CDH18: variants seen among roughly 807,000 people sequenced by gnomAD.
CDH18 encodes cadherin-18.
In CDH18, 31 loss-of-function variants were observed where a neutral mutation model predicts 67.9. The ratio of observed to expected loss-of-function variants is 0.46; its 90% CI spans 0.34 to 0.62. CDH18 has a LOEUF of 0.62. Among genes scored for constraint, CDH18 ranks in the 20% least tolerant of loss-of-function variants. The pLI is 0.01. For synonymous variants in CDH18, 362 were observed against 347.2 expected (o/e 1.04, Z -0.48); for missense variants, 890 against 975.5 (o/e 0.91, Z 1.17).
intron 3 of CDH18, among the ~76,000 whole-genome samples, chr5:19,751,968 T>C (rs1296962570): frequency 1.3e-5 from 2 of 152,026 alleles, no homozygotes; most frequent in Non-Finnish European, 2.9e-5. Flanking sequence ...AGGAAGCAGA[T>C]TGCTCCTGCA....
At chr5:19,812,800 A>G (rs1778884573) in intron 3 of CDH18, among the ~76,000 whole-genome samples, 2 of 152,130 alleles carry the variant, frequency 1.3e-5, no homozygotes, top group East Asian at 1.9e-4. Flanking sequence ...AGCATTCCCA[A>G]AGGATTATAA....
intron 7 of CDH18, 49 bp downstream of exon 7, chr5:19,591,008 G>T: frequency 8.1e-7 from 1 of 1,241,012 alleles, no homozygotes; most frequent in Non-Finnish European, 1.1e-6. Context: ...TTTCCATTCA[G>T]GAAAAGATGA....
intron 12 of CDH18, among the ~76,000 whole-genome samples, chr5:19,480,399 T>C (rs1336650803): frequency 6.8e-6 from 1 of 146,094 alleles, no homozygotes; most frequent in African/African-American, 2.5e-5. Context: ...TTATTTGAGA[T>C]GGAGTCTCAC....
At chr5:20,385,417 A>C (rs1744234823) in intron 1 of CDH18, among the ~76,000 whole-genome samples, 2 of 152,120 alleles carry the variant, frequency 1.3e-5, no homozygotes. Flanking sequence ...TATCTACATG[A>C]AACAATACCC....
At chr5:20,292,995 T>C (rs1285664653) in intron 1 of CDH18, among the ~76,000 whole-genome samples, 2 of 152,178 alleles carry the variant, frequency 1.3e-5, no homozygotes, top group Non-Finnish European at 2.9e-5. Flanking sequence ...ACTCAACCTA[T>C]AACAGCTGTT....
At chr5:20,441,298 T>C (rs991393550) in intron 1 of CDH18, among the ~76,000 whole-genome samples, 3 of 151,940 alleles carry the variant, frequency 2.0e-5, no homozygotes, top group Non-Finnish European at 4.4e-5. Context: ...AACCACAATT[T>C]ATTTCACAGT....
At chr5:20,307,200 A>C (rs1257056524) in intron 1 of CDH18, among the ~76,000 whole-genome samples, 1 of 152,190 alleles carries the variant, frequency 6.6e-6, no homozygotes, top group Non-Finnish European at 1.5e-5. Context: ...TTCAGGAAGT[A>C]CAGAATGAGA....
rs1407388885 is a variant in CDH18 at position 20,398,206 on chromosome 5, A to T, written c.-579-142701T>A. On this transcript the variant is annotated intron_variant, in intron 1 of 14. Transcript: ENST00000507958. The stretch of plus-strand genomic sequence containing the variant: ...TATTAAGTGTGTGGTATTTTAAATT[A>T]TTATGTTTTCTAAAATGTTACTCTC... Among the ~76,000 whole-genome samples, 3 of 152,152 alleles carry T rather than the reference A, an allele frequency of 2.0e-5. No individual in the cohort carries two copies. The East Asian group carries it at 5.8e-4, about 29-fold the overall frequency.
chr5:20,398,938 TAC>T (rs1745530018), intron 1 of CDH18, among the ~76,000 whole-genome samples: 1 of 81,354 alleles, frequency 1.2e-5, no homozygotes, highest in African/African-American at 4.6e-5. Context: ...CACGTATACC[TAC>T]ATAGAAAACC....
intron 5 of CDH18, among the ~76,000 whole-genome samples, chr5:19,617,606 A>G (rs1488551349): frequency 6.6e-6 from 1 of 152,198 alleles, no homozygotes; most frequent in Non-Finnish European, 1.5e-5. Context: ...GAAAGGCTTC[A>G]CTGGCAATGT....
intron 2 of CDH18, among the ~76,000 whole-genome samples, chr5:19,924,176 TC>T (rs1468721077): frequency 5.2e-5 from 2 of 38,584 alleles, no homozygotes; most frequent in East Asian, 6.7e-4. Context: ...AGGGCAACAA[TC>T]AGGGGAGAGG....
intron 1 of CDH18, among the ~76,000 whole-genome samples, chr5:20,321,803 A>C (rs1353691318): frequency 1.3e-5 from 2 of 152,132 alleles, no homozygotes; most frequent in African/African-American, 4.8e-5. Context: ...ATTGCACTCA[A>C]AATCATTACT....
intron 1 of CDH18, among the ~76,000 whole-genome samples, chr5:20,498,913 A>G (rs906546342): frequency 1.3e-5 from 2 of 152,066 alleles, no homozygotes; most frequent in Non-Finnish European, 2.9e-5. Context: ...TAACAGAATG[A>G]GTGAATATTT....
intron 1 of CDH18, among the ~76,000 whole-genome samples, chr5:20,259,940 C>A (rs1450244097): frequency 6.6e-6 from 1 of 151,658 alleles, no homozygotes; most frequent in Non-Finnish European, 1.5e-5. Flanking sequence ...GAGATGCCTA[C>A]CAAAAATGGC....
At chr5:20,051,518 C>A (rs1741415300) in intron 2 of CDH18, among the ~76,000 whole-genome samples, 1 of 151,594 alleles carries the variant, frequency 6.6e-6, no homozygotes, top group South Asian at 2.1e-4. Flanking sequence ...TTCATGGGTT[C>A]ATTATACTAT....
At chr5:19,890,787 G>A (rs948932624) in intron 2 of CDH18, among the ~76,000 whole-genome samples, 10 of 151,852 alleles carry the variant, frequency 6.6e-5, no homozygotes, top group South Asian at 2.1e-4. Context: ...TAGAGACGGG[G>A]TTTCACCATG....
intron 2 of CDH18, among the ~76,000 whole-genome samples, chr5:20,061,110 T>G (rs1742447092): frequency 6.6e-6 from 1 of 152,092 alleles, no homozygotes; most frequent in Admixed American, 6.5e-5. Context: ...CATTAAGTTT[T>G]ATACACTCTG....
At position 20,308,178 on chromosome 5, in the gene CDH18, C is replaced by T. The variant is rs144589182; in HGVS notation, c.-579-52673G>A. On this transcript the variant is annotated intron_variant, in intron 1 of 14. Coordinates refer to the CDH18 transcript ENST00000507958. Reference sequence around the variant, plus strand: ...TGTTAAATTGCAACGGGTGGAAAGTCAATATGAAAATTCTTGTTCTACTTC... The same window carrying T: ...TGTTAAATTGCAACGGGTGGAAAGTTAATATGAAAATTCTTGTTCTACTTC... Among the ~76,000 whole-genome samples, 282 of 143,696 alleles carry T rather than the reference C, an allele frequency of 2.0e-3. 1 individual carries two copies. The highest frequency in any genetic ancestry group is 6.7e-3 in the African/African-American group (254 of 38,168). 94.3% of individuals were successfully genotyped at this position (143,696 alleles called of 152,430 possible).
chr5:19,879,526 C>T (rs1247665035), intron 2 of CDH18, among the ~76,000 whole-genome samples: 1 of 151,638 alleles, frequency 6.6e-6, no homozygotes, highest in East Asian at 1.9e-4. Context: ...TTATTATTTC[C>T]TTAGGTGTGA....
Sources: gnomAD v4.1 joint callset for allele counts (sites outside exome capture counted in the v4.1 genomes callset) on GRCh38, gnomAD v4.1.1 for gene constraint, MANE v1.5 for transcripts, NCBI Gene and HGNC (gene_info 2026-07-23, HGNC 2026-07-21) for gene names.